The following TANC2 variants were observed in gnomAD, a reference collection of about 807,000 sequenced individuals.
TANC2 encodes the protein tetratricopeptide repeat, ankyrin repeat and coiled-coil containing 2, also known as protein TANC2.
Under a neutral mutation model 210.5 loss-of-function variants are expected in TANC2, and 26 were observed. That is an observed-to-expected ratio of 0.12 (90% CI 0.09 to 0.17). The LOEUF is 0.17. Ranked by LOEUF, TANC2 falls within the 10% of genes least tolerant of loss-of-function variation. The pLI, the probability that TANC2 is intolerant of heterozygous loss-of-function variation, is 1.00. For missense variants in TANC2, 2,129 were observed against 2,608.9 expected (o/e 0.82, Z 4.01); for synonymous variants, 931 against 967.1 (o/e 0.96, Z 0.69).
At chr17:63,323,915 A>G (rs1174991301) in intron 11 of TANC2, among the ~76,000 whole-genome samples, 2 of 152,208 alleles carry the variant, frequency 1.3e-5, no homozygotes, top group East Asian at 3.8e-4. Context: ...AAGCTAGTAC[A>G]TGACTGAGTC....
At chr17:63,213,187 C>G (rs1344414675) in intron 7 of TANC2, among the ~76,000 whole-genome samples, 1 of 152,166 alleles carries the variant, frequency 6.6e-6, no homozygotes, top group Non-Finnish European at 1.5e-5. Flanking sequence ...TGCTCATGGT[C>G]TGTCAGAGAA....
At chr17:62,984,452 C>T (rs868125198) in intron 1 of TANC2, among the ~76,000 whole-genome samples, 19 of 151,744 alleles carry the variant, frequency 1.3e-4, no homozygotes, top group African/African-American at 4.6e-4. Flanking sequence ...TTTTGTCTCT[C>T]AACTTCATTT....
intron 11 of TANC2, among the ~76,000 whole-genome samples, chr17:63,337,610 CT>C (rs61052447): frequency 0.24 from 33,937 of 143,516 alleles, 3,816 homozygotes; most frequent in South Asian, 0.31. Flanking sequence ...TCTTTCCAAT[CT>C]TTTTTTTTTT....
At chr17:63,246,796 T>C (rs557606234) in intron 8 of TANC2, among the ~76,000 whole-genome samples, 56 of 152,302 alleles carry the variant, frequency 3.7e-4, no homozygotes, top group African/African-American at 1.3e-3. Flanking sequence ...GGTAGACATA[T>C]GTTTTCATTT....
At chr17:63,394,795 C>T (rs1386785793) in intron 17 of TANC2, among the ~76,000 whole-genome samples, 3 of 152,132 alleles carry the variant, frequency 2.0e-5, no homozygotes, top group Non-Finnish European at 4.4e-5. Flanking sequence ...TTGTATACTC[C>T]TTTGTTGGAC....
Position 62,966,282 on chromosome 17 carries a change from G to A in TANC2, c.-491G>A, listed in dbSNP as rs944656871. On this transcript the variant is annotated 5_prime_UTR_variant, in exon 1 of 28. Transcript: ENST00000689528. This position sits in a 1 kb window ranked among gnomAD's most constrained non-coding sequence, Gnocchi z 5.1. ...CGGGGCGCGGGTTGCTGGGCGCGCTGCTCCGGCGGGGCCCGCTGGCACAGC... is the reference window on the plus strand; with the variant it reads ...CGGGGCGCGGGTTGCTGGGCGCGCTACTCCGGCGGGGCCCGCTGGCACAGC... 9.6e-5 allele frequency among the ~76,000 whole-genome samples: 14 copies of A among 146,108 alleles called. No homozygotes were observed. The highest frequency in any genetic ancestry group is 3.2e-4 in the African/African-American group (13 of 40,778).
chr17:63,227,819 A>G (rs1467328203), intron 7 of TANC2, among the ~76,000 whole-genome samples: 1 of 152,148 alleles, frequency 6.6e-6, no homozygotes, highest in Non-Finnish European at 1.5e-5. Flanking sequence ...AGTTTTCTGC[A>G]TATGGCTAGC....
intron 1 of TANC2, chr17:62,978,384 A>T (rs2032135113): frequency 6.6e-6 from 1 of 152,182 alleles, no homozygotes; most frequent in Non-Finnish European, 1.5e-5. Flanking sequence ...TAGCATAGGG[A>T]GATGCCTGCC....
At position 63,076,124 on chromosome 17, in the gene TANC2, A is replaced by G. The variant is rs151314562; in HGVS notation, c.139+2110A>G. Among the ~76,000 whole-genome samples the G allele has an allele frequency of 2.7e-3, 412 of 152,270 alleles. 1 individual carries two copies. Among genetic ancestry groups the G allele is most frequent in the Non-Finnish European group, 4.6e-3 (314 of 68,012 alleles). ...GCAGTGACAATTGGTTGAAAGTCAG[A>G]TGAAGAAGCATTGGGTTTCTGGAAC... On this transcript the variant is annotated intron_variant, in intron 3 of 27. Transcript: ENST00000689528.
At chr17:63,390,585 C>T (rs1283165395) in intron 17 of TANC2, 2 of 152,178 alleles carry the variant, frequency 1.3e-5, no homozygotes, top group East Asian at 3.8e-4. Context: ...CTTCAGCCTC[C>T]CCAGTAGCCA....
At chr17:63,337,175 T>A (rs1275573656) in intron 11 of TANC2, among the ~76,000 whole-genome samples, 1 of 152,186 alleles carries the variant, frequency 6.6e-6, no homozygotes. Flanking sequence ...CTAATGAAGA[T>A]GTTGCCTGAA....
At chr17:63,256,515 AT>A (rs1340312191) in intron 8 of TANC2, among the ~76,000 whole-genome samples, 1 of 152,128 alleles carries the variant, frequency 6.6e-6, no homozygotes, top group Non-Finnish European at 1.5e-5. Context: ...GACCTAACAT[AT>A]GGTCTGCCCT....
intron 21 of TANC2, among the ~76,000 whole-genome samples, chr17:63,409,106 T>C (rs2048607661): frequency 6.6e-6 from 1 of 151,904 alleles, no homozygotes; most frequent in African/African-American, 2.4e-5. Context: ...GGGGATGGAG[T>C]TATTGAATAA....
At chr17:63,314,562 A>T in exon 10 of TANC2, 1 of 1,613,948 alleles carries the variant, frequency 6.2e-7, no homozygotes, top group Non-Finnish European at 8.5e-7. Context: ...ATTGTGGGAA[A>T]CATTGGATTC....
At chr17:63,129,244 A>G (rs1177960383) in intron 4 of TANC2, among the ~76,000 whole-genome samples, 3 of 151,620 alleles carry the variant, frequency 2.0e-5, no homozygotes, top group Non-Finnish European at 4.4e-5. Context: ...GCCCAAGCAG[A>G]CCTCCTGCCT....
intron 9 of TANC2, among the ~76,000 whole-genome samples, chr17:63,285,608 A>T (rs1432976135): frequency 6.6e-6 from 1 of 152,188 alleles, no homozygotes; most frequent in Non-Finnish European, 1.5e-5. Context: ...CAGCAAAGGG[A>T]AAAGCCACAT....
At chr17:63,246,277 C>CTG (rs1391971229) in intron 8 of TANC2, among the ~76,000 whole-genome samples, 41 of 148,750 alleles carry the variant, frequency 2.8e-4, no homozygotes, top group African/African-American at 1.0e-3. Context: ...AAGCAGCAGT[C>CTG]TGTGTGTGGA....
chr17:63,054,064 G>A (rs2035679517), intron 2 of TANC2, among the ~76,000 whole-genome samples: 1 of 152,170 alleles, frequency 6.6e-6, no homozygotes, highest in South Asian at 2.1e-4. Context: ...TTTGATTTTA[G>A]TATTGCTACT....
chr17:63,097,824 A>G (rs552691810), intron 3 of TANC2, among the ~76,000 whole-genome samples: 1 of 152,104 alleles, frequency 6.6e-6, no homozygotes, highest in African/African-American at 2.4e-5. Flanking sequence ...TTTTCCTTTA[A>G]TGCTTGTGCT....
Sources: allele counts gnomAD v4.1 joint callset (sites outside exome capture counted in the v4.1 genomes callset), GRCh38; gene constraint gnomAD v4.1.1; non-coding constraint Gnocchi (gnomAD v3.1); transcripts MANE v1.5; gene names NCBI Gene and HGNC (gene_info 2026-07-23, HGNC 2026-07-21).